The following CATSPERT variants were observed in gnomAD, a reference collection of about 807,000 sequenced individuals.
CATSPERT encodes the protein catsper channel auxiliary subunit tau.
the CATSPERT span, among the ~76,000 whole-genome samples, chr2:201,560,455 AT>A: frequency 4.9e-5 from 2 of 41,098 alleles, no homozygotes; most frequent in African/African-American, 7.3e-5. Flanking sequence ...AATAATAATA[AT>A]AATAATAATA....
the CATSPERT span, among the ~76,000 whole-genome samples, chr2:201,514,299 C>T: frequency 8.6e-5 from 13 of 151,996 alleles, no homozygotes; most frequent in African/African-American, 2.9e-4. Flanking sequence ...TAAAATTTAG[C>T]AAATGAACCC....
the CATSPERT span, among the ~76,000 whole-genome samples, chr2:201,585,324 G>T: frequency 6.7e-6 from 1 of 149,372 alleles, no homozygotes. Context: ...CATGGCACGT[G>T]TATACCTATG....
At chr2:201,591,696 T>C in the CATSPERT span, among the ~76,000 whole-genome samples, 1 of 152,344 alleles carries the variant, frequency 6.6e-6, no homozygotes, top group Admixed American at 6.5e-5. Context: ...GAAGAGGTCC[T>C]TCACATCCCT....
the CATSPERT span, chr2:201,572,030 A>T: frequency 1.6e-5 from 25 of 1,601,794 alleles, no homozygotes; most frequent in Non-Finnish European, 1.9e-5. Flanking sequence ...ACTGAAAAAA[A>T]TGTAAGTGTA....
chr2:201,570,280 CAT>C, the CATSPERT span, among the ~76,000 whole-genome samples: 1 of 152,138 alleles, frequency 6.6e-6, no homozygotes, highest in East Asian at 1.9e-4. Flanking sequence ...CCTTAATATC[CAT>C]CCCTATACAT....
chr2:201,515,113 A>G, the CATSPERT span, among the ~76,000 whole-genome samples: 2 of 150,076 alleles, frequency 1.3e-5, no homozygotes, highest in African/African-American at 4.9e-5. Context: ...GGTCTTTCAC[A>G]CTCAAAAAAA....
chr2:201,533,867 T>C, the CATSPERT span, among the ~76,000 whole-genome samples: 1 of 152,160 alleles, frequency 6.6e-6, no homozygotes, highest in Admixed American at 6.5e-5. Flanking sequence ...GTCCCAAGCC[T>C]ATGTCTTAAG....
chr2:201,521,457 G>GAGAGAGAGAGAC, the CATSPERT span, among the ~76,000 whole-genome samples: 1,739 of 150,856 alleles, frequency 0.012, 13 homozygotes, highest in Admixed American at 0.021. Flanking sequence ...GAGAGAAAGA[G>GAGAGAGAGAGAC]ACACACAGAG....
At chr2:201,521,302 T>G in the CATSPERT span, among the ~76,000 whole-genome samples, 1 of 152,144 alleles carries the variant, frequency 6.6e-6, no homozygotes, top group Non-Finnish European at 1.5e-5. Context: ...GAAAAGAGGT[T>G]TAATTGACTC....
chr2:201,489,227 T>C, the CATSPERT span, among the ~76,000 whole-genome samples: 1 of 152,242 alleles, frequency 6.6e-6, no homozygotes, highest in Non-Finnish European at 1.5e-5. Flanking sequence ...CTCCCTTGCC[T>C]GCTCTTAGGA....
chr2:201,590,613 G>C, the CATSPERT span, among the ~76,000 whole-genome samples: 1 of 152,144 alleles, frequency 6.6e-6, no homozygotes, highest in Admixed American at 6.5e-5. Context: ...CAGTGTAAAA[G>C]TGTTCCTATT....
chr2:201,491,983 G>A, the CATSPERT span: 1 of 1,537,042 alleles, frequency 6.5e-7, no homozygotes, highest in Non-Finnish European at 8.7e-7. Flanking sequence ...TTCATTGGAA[G>A]AAGGTTGTAC....
the CATSPERT span, among the ~76,000 whole-genome samples, chr2:201,560,593 T>G: frequency 0.42 from 63,796 of 151,592 alleles, 14,072 homozygotes; most frequent in East Asian, 0.75. Context: ...AAGAATAGAA[T>G]AAAGAAAGGC....
chr2:201,581,550 AT>A, the CATSPERT span, among the ~76,000 whole-genome samples: 1 of 5,732 alleles, frequency 1.7e-4, no homozygotes, highest in African/African-American at 7.8e-4. Flanking sequence ...AAATGTGTGT[AT>A]ATATATATAT....
the CATSPERT span, chr2:201,534,605 G>T: frequency 1.0e-6 from 1 of 983,320 alleles, no homozygotes; most frequent in Admixed American, 6.2e-5. Context: ...AAACCAAAAT[G>T]ACTAATGAGC....
the CATSPERT span, among the ~76,000 whole-genome samples, chr2:201,541,267 G>A: frequency 3.3e-5 from 5 of 152,050 alleles, no homozygotes; most frequent in Non-Finnish European, 7.4e-5. Flanking sequence ...AGCAGCAGCA[G>A]GGTTTGAGAG....
chr2:201,607,702 T>C, the CATSPERT span, among the ~76,000 whole-genome samples: 3 of 152,216 alleles, frequency 2.0e-5, no homozygotes, highest in Non-Finnish European at 2.9e-5. Context: ...ACCTGGTATA[T>C]GGTAATCAAT....
chr2:201,503,459 A>C, the CATSPERT span, among the ~76,000 whole-genome samples: 6 of 152,118 alleles, frequency 3.9e-5, no homozygotes, highest in African/African-American at 1.4e-4. Flanking sequence ...TGCAGTTGCA[A>C]AATCAGCTCA....
chr2:201,603,377 G>A, the CATSPERT span: 23 of 956,158 alleles, frequency 2.4e-5, no homozygotes, highest in South Asian at 4.3e-5. Flanking sequence ...AAAACTCCAC[G>A]TTGTTGGTTT....
Sources: allele counts gnomAD v4.1 joint callset (sites outside exome capture counted in the v4.1 genomes callset), GRCh38; gene constraint gnomAD v4.1.1; transcripts MANE v1.5; gene names NCBI Gene and HGNC (gene_info 2026-07-23, HGNC 2026-07-21).